CCDC30: variants seen among roughly 807,000 people sequenced by gnomAD.
CCDC30 encodes coiled-coil domain-containing protein 30.
In CCDC30, 70 loss-of-function variants were observed where a neutral mutation model predicts 100.2. The observed-to-expected ratio is 0.70, with a 90% CI of 0.58 to 0.85. The LOEUF is 0.85. Among genes scored for constraint, CCDC30 ranks in the 40% least tolerant of loss-of-function variants. The probability of loss-of-function intolerance (pLI) is 0.00; values close to 1 mark genes in which losing one functional copy is unlikely to be tolerated. For synonymous variants in CCDC30, 233 were observed against 269.5 expected (o/e 0.86, Z 1.33); for missense variants, 652 against 771.2 (o/e 0.85, Z 1.83).
intron 6 of CCDC30, chr1:42,500,203 CATT>C: frequency 1.3e-6 from 2 of 1,550,406 alleles, no homozygotes; most frequent in Non-Finnish European, 1.8e-6. Flanking sequence ...GTGCACGCCT[CATT>C]ATGATTCGCC....
intron 7 of CCDC30, among the ~76,000 whole-genome samples, chr1:42,574,253 G>C (rs1645789771): frequency 6.6e-6 from 1 of 151,706 alleles, no homozygotes; most frequent in Non-Finnish European, 1.5e-5. Context: ...CTTTCTTTTG[G>C]GTAGGTTTTC....
chr1:42,638,462 T>G (rs1202413581), intron 12 of CCDC30, among the ~76,000 whole-genome samples: 1 of 151,540 alleles, frequency 6.6e-6, no homozygotes, highest in East Asian at 1.9e-4. Flanking sequence ...CATTAATTTT[T>G]CAAACTTTTA....
chr1:42,599,912 A>G (rs2148623078), intron 10 of CCDC30, among the ~76,000 whole-genome samples: 2 of 152,318 alleles, frequency 1.3e-5, no homozygotes, highest in Non-Finnish European at 2.9e-5. Flanking sequence ...GCTTCAGGAT[A>G]CTTACAATTA....
intron 9 of CCDC30, among the ~76,000 whole-genome samples, chr1:42,587,354 A>G (rs903959301): frequency 3.3e-5 from 5 of 152,190 alleles, no homozygotes; most frequent in African/African-American, 1.2e-4. Context: ...CAATAACTCA[A>G]GTGTTTTTAG....
intron 6 of CCDC30, among the ~76,000 whole-genome samples, chr1:42,558,509 C>T (rs1370571706): frequency 6.6e-6 from 1 of 152,186 alleles, no homozygotes; most frequent in Non-Finnish European, 1.5e-5. Context: ...TCTAACTCAT[C>T]ACCCCATCCA....
downstream of CCDC30, among the ~76,000 whole-genome samples, chr1:42,655,798 C>CACCTG (rs1648637403): frequency 6.6e-6 from 1 of 151,396 alleles, no homozygotes; most frequent in Admixed American, 6.6e-5. Context: ...CAGTACTGCT[C>CACCTG]AGTATCTCTG....
chr1:42,626,023 C>T (rs1404852728), intron 11 of CCDC30, among the ~76,000 whole-genome samples: 1 of 152,110 alleles, frequency 6.6e-6, no homozygotes, highest in Non-Finnish European at 1.5e-5. Flanking sequence ...CTTTATATAT[C>T]TGGGTGCTCC....
chr1:42,532,038 T>C lies in CCDC30; in HGVS notation c.456+33122T>C, dbSNP rs74398176. Among the ~76,000 whole-genome samples, 570 of 152,256 alleles carry C rather than the reference T, an allele frequency of 3.7e-3. 2 individuals carry two copies. The highest frequency in any genetic ancestry group is 0.013 in the African/African-American group (529 of 41,540). On this transcript the variant is annotated intron_variant, in intron 6 of 16. Transcript: ENST00000668663. ...CGGGTGCAGTGGCTCATACCTATAA[T>C]CCTAGCACTTCGGGAGGCCAAAGTG...
rs566894924 is a variant in CCDC30 at position 42,507,975 on chromosome 1, A to G, written c.456+9059A>G. On this transcript the variant is annotated intron_variant, in intron 6 of 16. Coordinates refer to ENST00000668663, the Ensembl canonical transcript of CCDC30. ...TTTTATCTTTCCTTTAAAATATTTAAGCATTTATTTTTCTCTAAGACAATT... is the reference window on the plus strand; with the variant it reads ...TTTTATCTTTCCTTTAAAATATTTAGGCATTTATTTTTCTCTAAGACAATT... 2.9e-3 allele frequency among the ~76,000 whole-genome samples: 435 copies of G among 152,342 alleles called. 4 individuals are homozygous for G. The South Asian group carries it at 0.032, about 11-fold the overall frequency.
At chr1:42,597,413 G>C (rs564283098) in intron 10 of CCDC30, among the ~76,000 whole-genome samples, 1 of 152,228 alleles carries the variant, frequency 6.6e-6, no homozygotes, top group East Asian at 1.9e-4. Flanking sequence ...AATCCTGAAA[G>C]AGGAAAAAAT....
At chr1:42,644,280 C>A (rs1647691938) in intron 13 of CCDC30, among the ~76,000 whole-genome samples, 1 of 152,124 alleles carries the variant, frequency 6.6e-6, no homozygotes, top group Admixed American at 6.6e-5. Flanking sequence ...TGTTTGAGGG[C>A]AGGAAGCATC....
At chr1:42,568,892 A>G (rs1414561124) in intron 7 of CCDC30, 1 of 150,972 alleles carries the variant, frequency 6.6e-6, no homozygotes, top group African/African-American at 2.4e-5. Context: ...GCAGTGAGCC[A>G]TGATCGGGCC....
At chr1:42,564,148 A>T (rs532347904) in intron 6 of CCDC30, among the ~76,000 whole-genome samples, 1 of 152,328 alleles carries the variant, frequency 6.6e-6, no homozygotes, top group African/African-American at 2.4e-5. Flanking sequence ...CTCTAAGAAT[A>T]TCTTATCTAT....
intron 6 of CCDC30, among the ~76,000 whole-genome samples, chr1:42,511,817 A>T (rs1230715807): frequency 6.6e-6 from 1 of 152,108 alleles, no homozygotes; most frequent in Non-Finnish European, 1.5e-5. Flanking sequence ...TCTCCAGACT[A>T]AGGGCAGAGA....
At chr1:42,588,884 AG>A (rs1418573879) in intron 9 of CCDC30, among the ~76,000 whole-genome samples, 1 of 152,188 alleles carries the variant, frequency 6.6e-6, no homozygotes, top group Non-Finnish European at 1.5e-5. Context: ...CATAAAATGC[AG>A]GCTCATTTAT....
intron 14 of CCDC30, 66 bp downstream of exon 18, chr1:42,644,873 C>A: frequency 3.0e-6 from 3 of 991,922 alleles, no homozygotes; most frequent in Non-Finnish European, 4.8e-6. Flanking sequence ...GGCTGCTGTG[C>A]TGTCTCTTGC....
At chr1:42,613,571 G>A (rs191473065) in intron 11 of CCDC30, among the ~76,000 whole-genome samples, 9 of 152,094 alleles carry the variant, frequency 5.9e-5, no homozygotes, top group Admixed American at 5.9e-4. Flanking sequence ...GTGCTTTCTG[G>A]GAAGGGGACA....
chr1:42,588,359 A>G (rs1222352756), intron 9 of CCDC30, among the ~76,000 whole-genome samples: 3 of 152,262 alleles, frequency 2.0e-5, no homozygotes, highest in South Asian at 2.1e-4. Flanking sequence ...CTGACAAAAG[A>G]CAGATTAATA....
At chr1:42,579,671 G>C (rs1222850506) in intron 8 of CCDC30, among the ~76,000 whole-genome samples, 2 of 151,316 alleles carry the variant, frequency 1.3e-5, no homozygotes, top group Admixed American at 6.6e-5. Flanking sequence ...AGAGAAGCAA[G>C]GAAGAAAGGA....
Sources: allele counts gnomAD v4.1 joint callset (sites outside exome capture counted in the v4.1 genomes callset), GRCh38; gene constraint gnomAD v4.1.1; transcripts MANE v1.5; gene names NCBI Gene and HGNC (gene_info 2026-07-23, HGNC 2026-07-21).